Variants in STX8 observed in about 807,000 individuals in gnomAD.
The protein encoded by STX8 is syntaxin-8.
In STX8, 23 loss-of-function variants were observed where a neutral mutation model predicts 37.5. The ratio of observed to expected loss-of-function variants is 0.61; its 90% CI spans 0.44 to 0.87. The LOEUF (loss-of-function observed/expected upper bound fraction) is 0.87, where lower values mean the gene tolerates loss of function less well. STX8 is among the 40% of genes least tolerant of loss of function. STX8 has a pLI of 0.00. For synonymous variants in STX8, 115 were observed against 99.1 expected (o/e 1.16, Z -0.95); for missense variants, 313 against 284.7 (o/e 1.10, Z -0.71).
At chr17:9,328,411 T>G (rs547602960) in intron 7 of STX8, among the ~76,000 whole-genome samples, 1 of 152,254 alleles carries the variant, frequency 6.6e-6, no homozygotes, top group South Asian at 2.1e-4. Flanking sequence ...GTACTCAGCA[T>G]GCCAAAGTGC....
At chr17:9,369,035 C>T (rs1911319285) in intron 7 of STX8, among the ~76,000 whole-genome samples, 1 of 152,142 alleles carries the variant, frequency 6.6e-6, no homozygotes, top group Non-Finnish European at 1.5e-5. Context: ...ATCCTCCCAT[C>T]CCAGCCTCCC....
chr17:9,546,949 T>C (rs1906553698), intron 3 of STX8, among the ~76,000 whole-genome samples: 1 of 151,396 alleles, frequency 6.6e-6, no homozygotes, highest in Non-Finnish European at 1.5e-5. Flanking sequence ...GTGTGTGGTA[T>C]GTTAAGAAAC....
chr17:9,455,871 A>G (rs186892108), intron 6 of STX8, among the ~76,000 whole-genome samples: 1 of 152,158 alleles, frequency 6.6e-6, no homozygotes, highest in Admixed American at 6.5e-5. Flanking sequence ...ACTTGCTACT[A>G]TAAGGGGGAG....
At chr17:9,379,465 T>G (rs1357199819) in intron 6 of STX8, among the ~76,000 whole-genome samples, 2 of 152,096 alleles carry the variant, frequency 1.3e-5, no homozygotes, top group Non-Finnish European at 2.9e-5. Context: ...ACAATGTAAT[T>G]CCAACTGAAA....
intron 7 of STX8, among the ~76,000 whole-genome samples, chr17:9,303,076 AAGG>A (rs1265803420): frequency 6.6e-6 from 1 of 151,682 alleles, no homozygotes; most frequent in Non-Finnish European, 1.5e-5. Flanking sequence ...GGTGGATCAC[AAGG>A]TCAAGAGATC....
chr17:9,399,823 G>A (rs1351366874), intron 6 of STX8, among the ~76,000 whole-genome samples: 10 of 146,614 alleles, frequency 6.8e-5, no homozygotes, highest in Non-Finnish European at 1.2e-4. Context: ...CCAAGATCAC[G>A]CCATTGCACT....
chr17:9,391,954 C>T (rs893816531), intron 6 of STX8, among the ~76,000 whole-genome samples: 17 of 152,122 alleles, frequency 1.1e-4, no homozygotes, highest in African/African-American at 2.4e-4. Flanking sequence ...AAATAGTATA[C>T]GTAGACATTG....
chr17:9,362,545 G>A (rs952280957), intron 7 of STX8, among the ~76,000 whole-genome samples: 6 of 151,984 alleles, frequency 3.9e-5, no homozygotes, highest in African/African-American at 7.3e-5. Flanking sequence ...CTGGCTGGGC[G>A]CGGTGGCTCA....
intron 3 of STX8, among the ~76,000 whole-genome samples, chr17:9,550,141 T>C (rs1906706009): frequency 6.6e-6 from 1 of 150,812 alleles, no homozygotes; most frequent in Non-Finnish European, 1.5e-5. Context: ...GGAGAATCGC[T>C]GGAACCCGGG....
intron 6 of STX8, among the ~76,000 whole-genome samples, chr17:9,475,287 C>G (rs566840669): frequency 6.6e-6 from 1 of 152,274 alleles, no homozygotes; most frequent in South Asian, 2.1e-4. Context: ...ACCAATAAAC[C>G]AAAACTGGGG....
At chr17:9,307,325 C>T (rs918153744) in intron 7 of STX8, among the ~76,000 whole-genome samples, 4 of 152,166 alleles carry the variant, frequency 2.6e-5, no homozygotes, top group Admixed American at 6.5e-5. Flanking sequence ...TGGCCAGTTT[C>T]TCCACCTTTT....
chr17:9,567,184 G>T (rs1417729086), intron 2 of STX8, among the ~76,000 whole-genome samples: 1 of 152,100 alleles, frequency 6.6e-6, no homozygotes, highest in Non-Finnish European at 1.5e-5. Flanking sequence ...AGAGGATTAG[G>T]AAAAATAGTA....
At chr17:9,436,217 C>T (rs374993319) in intron 6 of STX8, among the ~76,000 whole-genome samples, 142 of 151,094 alleles carry the variant, frequency 9.4e-4, no homozygotes, top group African/African-American at 3.3e-3. Context: ...TGGTGACGGG[C>T]GCCTGTAGTC....
intron 7 of STX8, among the ~76,000 whole-genome samples, chr17:9,286,867 G>A (rs1908091990): frequency 6.6e-6 from 1 of 152,106 alleles, no homozygotes; most frequent in Admixed American, 6.5e-5. Flanking sequence ...ACCTGGGTTC[G>A]AGCTGAGGCT....
At chr17:9,478,459 C>T (rs943886109) in intron 6 of STX8, among the ~76,000 whole-genome samples, 1 of 152,110 alleles carries the variant, frequency 6.6e-6, no homozygotes, top group Non-Finnish European at 1.5e-5. Flanking sequence ...TGAAGGCCGA[C>T]TTACGGTCTT....
At chr17:9,347,394 T>C (rs911289292) in intron 7 of STX8, among the ~76,000 whole-genome samples, 1 of 152,232 alleles carries the variant, frequency 6.6e-6, no homozygotes, top group Non-Finnish European at 1.5e-5. Flanking sequence ...GGAAGCTTTT[T>C]TCCTTTTTAA....
At chr17:9,265,980 C>T (rs2142132869) in intron 7 of STX8, among the ~76,000 whole-genome samples, 1 of 152,224 alleles carries the variant, frequency 6.6e-6, no homozygotes, top group South Asian at 2.1e-4. Flanking sequence ...CCCTCGAGTC[C>T]TAGGGATACC....
chr17:9,343,529 CTTGAT>C (rs1567791670), intron 7 of STX8, among the ~76,000 whole-genome samples: 1 of 152,166 alleles, frequency 6.6e-6, no homozygotes, highest in African/African-American at 2.4e-5. Flanking sequence ...TTAAAGAGGT[CTTGAT>C]TTATCATTTC....
chr17:9,503,105 C>CAAAAAAAAAAAAAAAAAAAAAAAAAAAA (rs61437085), intron 5 of STX8, among the ~76,000 whole-genome samples: 2 of 58,580 alleles, frequency 3.4e-5, no homozygotes, highest in African/African-American at 1.5e-4. Context: ...GACTCTGTCT[C>CAAAAAAAAAAAAAAAAAAAAAAAAAAAA]AAAAAAAAAA....
Sources: allele counts gnomAD v4.1 joint callset (sites outside exome capture counted in the v4.1 genomes callset), GRCh38; gene constraint gnomAD v4.1.1; transcripts MANE v1.5; gene names NCBI Gene and HGNC (gene_info 2026-07-23, HGNC 2026-07-21).